SPIDR: variants seen among roughly 807,000 people sequenced by gnomAD.
The protein encoded by SPIDR is scaffold protein involved in DNA repair.
In SPIDR, 93 loss-of-function variants were observed where a neutral mutation model predicts 104.6. The observed-to-expected ratio is 0.89, with a 90% CI of 0.75 to 1.06. The LOEUF is 1.06. Among genes scored for constraint, SPIDR ranks in the 50% least tolerant of loss-of-function variants. The probability of loss-of-function intolerance (pLI) is 0.00; values close to 1 mark genes in which losing one functional copy is unlikely to be tolerated. For missense variants in SPIDR, 1,154 were observed against 1,111.2 expected (o/e 1.04, Z -0.55); for synonymous variants, 431 against 416.9 (o/e 1.03, Z -0.41).
chr8:47,451,603 CA>C (rs2071749244), intron 8 of SPIDR, among the ~76,000 whole-genome samples: 1 of 151,838 alleles, frequency 6.6e-6, no homozygotes, highest in African/African-American at 2.4e-5. Context: ...CACACACACA[CA>C]CACACTAGAA....
chr8:47,400,547 A>G (rs944220640), intron 6 of SPIDR, among the ~76,000 whole-genome samples: 4 of 152,098 alleles, frequency 2.6e-5, no homozygotes, highest in Non-Finnish European at 5.9e-5. Flanking sequence ...TTTTTACCTG[A>G]TAAAGACCAG....
chr8:47,318,638 AT>A (rs1466086752), intron 5 of SPIDR, among the ~76,000 whole-genome samples: 5 of 150,948 alleles, frequency 3.3e-5, no homozygotes, highest in Non-Finnish European at 7.4e-5. Flanking sequence ...AAGACACGTA[AT>A]TCTCAGATTC....
chr8:47,699,507 G>A (rs1044222388), intron 11 of SPIDR, among the ~76,000 whole-genome samples: 5 of 152,120 alleles, frequency 3.3e-5, no homozygotes, highest in Non-Finnish European at 5.9e-5. Context: ...CCATACAACT[G>A]AAATCATAAC....
chr8:47,321,845 A>G (rs2046677573), intron 5 of SPIDR, among the ~76,000 whole-genome samples: 1 of 152,218 alleles, frequency 6.6e-6, no homozygotes, highest in Non-Finnish European at 1.5e-5. Context: ...GAAATGGGAA[A>G]ACGATTCCCT....
rs1586319330 is a variant in SPIDR at position 47,284,042 on chromosome 8, A to G, written c.204A>G (p.Glu68=). 6.2e-7 allele frequency: 1 copy of G among 1,611,402 alleles called. No homozygotes were observed. The highest frequency in any genetic ancestry group is 8.5e-7 in the Non-Finnish European group (1 of 1,178,942). ...NTSGNPSLTA[E]EKTITEKHLE... ...TTTGCCTACAGTCATTAACAGCTGA[A>G]GAGAAGACGATTACAGAAAAGCACC... The change falls in exon 3 of 20, where the codon GAA becomes GAG. Residue 68 remains glutamate, a synonymous_variant. Transcript: ENST00000297423.
chr8:47,415,317 A>T (rs72646320), intron 7 of SPIDR, among the ~76,000 whole-genome samples: 1 of 152,088 alleles, frequency 6.6e-6, no homozygotes, highest in Non-Finnish European at 1.5e-5. Flanking sequence ...CGGTAATGAC[A>T]TCTTTTATAA....
rs144018063 is a variant in SPIDR at position 47,365,322 on chromosome 8, G to A, written c.526-31054G>A. On this transcript the variant is annotated intron_variant, in intron 5 of 19. Transcript: ENST00000297423. ...TTCCCTATCGGCAAACATCATTATT[G>A]TGTTCTTCCAGAGACTTAAATAAAT... Among the ~76,000 whole-genome samples, 38 of 152,264 alleles carry A rather than the reference G, an allele frequency of 2.5e-4. No homozygotes were observed. In the East Asian group the frequency reaches 7.3e-3, roughly 29 times the overall value.
intron 8 of SPIDR, chr8:47,511,750 A>G (rs1045114053): frequency 1.5e-6 from 2 of 1,300,014 alleles, no homozygotes; most frequent in Admixed American, 1.7e-5. Flanking sequence ...CTCCACAGCT[A>G]CAGCTCCATG....
chr8:47,563,418 C>T (rs975493711), intron 8 of SPIDR, among the ~76,000 whole-genome samples: 4 of 151,980 alleles, frequency 2.6e-5, no homozygotes, highest in African/African-American at 7.3e-5. Flanking sequence ...AGCTATTCTT[C>T]GCCTCAGCCT....
At chr8:47,505,633 G>A (rs546855170) in intron 8 of SPIDR, among the ~76,000 whole-genome samples, 3 of 152,212 alleles carry the variant, frequency 2.0e-5, no homozygotes, top group East Asian at 3.9e-4. Context: ...GGTCCGCTGC[G>A]CCCACTTTCC....
intron 10 of SPIDR, among the ~76,000 whole-genome samples, chr8:47,626,125 C>T (rs1393186801): frequency 6.6e-6 from 1 of 152,092 alleles, no homozygotes; most frequent in Admixed American, 6.6e-5. Flanking sequence ...CTGAGAAAAA[C>T]AAGCAATGGG....
At chr8:47,386,920 T>C (rs1482573172) in intron 5 of SPIDR, among the ~76,000 whole-genome samples, 1 of 91,376 alleles carries the variant, frequency 1.1e-5, no homozygotes, top group African/African-American at 6.1e-5. Flanking sequence ...GATATAGATA[T>C]AGATATAGAT....
chr8:47,407,908 C>A lies in SPIDR; in HGVS notation c.824C>A (p.Ser275Tyr). 1 of 1,606,264 alleles carries A rather than the reference C, an allele frequency of 6.2e-7. No homozygotes were observed. Among genetic ancestry groups the A allele is most frequent in the Non-Finnish European group, 8.5e-7 (1 of 1,174,932 alleles). Residue 275 changes from serine to tyrosine, a missense_variant, in exon 7 of 20, where the codon TCT (serine) becomes TAT (tyrosine). Coordinates refer to ENST00000297423, the MANE Select transcript of SPIDR (RefSeq NM_001080394.4). ...RLNGLQNRER[S>Y]AISLWRHQCI... ...AATGGACTGCAGAATCGAGAGAGAT[C>A]TGCTATTTCTTTGTGGAGACATCAA...
chr8:47,426,380 C>A (rs541415956), intron 7 of SPIDR, among the ~76,000 whole-genome samples: 3 of 150,980 alleles, frequency 2.0e-5, no homozygotes, highest in Admixed American at 6.7e-5. Context: ...TTCTTTCTTG[C>A]CAAATGGCTA....
chr8:47,731,554 A>G (rs536841919), intron 19 of SPIDR, among the ~76,000 whole-genome samples: 2 of 152,386 alleles, frequency 1.3e-5, no homozygotes, highest in East Asian at 1.9e-4. Flanking sequence ...GCAGTGCCCA[A>G]GGCAAAGACA....
At chr8:47,686,616 A>G (rs1181905705) in intron 11 of SPIDR, among the ~76,000 whole-genome samples, 1 of 152,176 alleles carries the variant, frequency 6.6e-6, no homozygotes, top group East Asian at 1.9e-4. Flanking sequence ...GGATCCCTGT[A>G]TGTGAGCTGG....
intron 10 of SPIDR, among the ~76,000 whole-genome samples, chr8:47,642,229 C>G (rs112075510): frequency 1.3e-5 from 2 of 151,884 alleles, no homozygotes; most frequent in African/African-American, 4.8e-5. Flanking sequence ...CAAGACCATC[C>G]TGGCTAACAC....
intron 8 of SPIDR, among the ~76,000 whole-genome samples, chr8:47,498,909 G>A (rs976440730): frequency 1.3e-5 from 2 of 152,050 alleles, no homozygotes; most frequent in South Asian, 2.1e-4. Flanking sequence ...TTTTGATGAC[G>A]TACTGAATAA....
intron 5 of SPIDR, among the ~76,000 whole-genome samples, chr8:47,329,405 A>G (rs554450540): frequency 6.6e-5 from 10 of 152,154 alleles, no homozygotes; most frequent in Non-Finnish European, 1.0e-4. Flanking sequence ...ACAGGGTTTC[A>G]CCATGTTGGC....
Sources: gnomAD v4.1 joint callset for allele counts (sites outside exome capture counted in the v4.1 genomes callset) on GRCh38, gnomAD v4.1.1 for gene constraint, MANE v1.5 for transcripts, NCBI Gene and HGNC (gene_info 2026-07-23, HGNC 2026-07-21) for gene names.